MYEF2: variants seen among roughly 807,000 people sequenced by gnomAD.
MYEF2 encodes the protein myelin gene expression factor 2.
Under a neutral mutation model 75.2 loss-of-function variants are expected in MYEF2, and 37 were observed. That is an observed-to-expected ratio of 0.49 (90% CI 0.38 to 0.65). The LOEUF (loss-of-function observed/expected upper bound fraction) is 0.65, where lower values mean the gene tolerates loss of function less well. MYEF2 is among the 30% of genes least tolerant of loss of function. The pLI is 0.00. For synonymous variants in MYEF2, 195 were observed against 241.6 expected (o/e 0.81, Z 1.79); for missense variants, 634 against 771.4 (o/e 0.82, Z 2.11).
At chr15:48,159,554 A>T in intron 6 of MYEF2, 59 bp downstream of exon 6, 1 of 1,445,024 alleles carries the variant, frequency 6.9e-7, no homozygotes, top group Non-Finnish European at 9.5e-7. Flanking sequence ...TAACTCATTC[A>T]TTTAATCAAA....
Position 48,168,839 on chromosome 15 carries a change from C to A in MYEF2, c.162G>T (p.Met54Ile). ...CTTCTTTTGCTGATTCATCATTCTCCCTGTGAATTAAAAAAAGTCAAACAA... is the reference window on the plus strand; with the variant it reads ...CTTCTTTTGCTGATTCATCATTCTCACTGTGAATTAAAAAAAGTCAAACAA... ...QHSSSSNGVK[M>I]ENDESAKEEK... The change falls in exon 2 of 17, where the codon ATG becomes ATT. Residue 54 changes from methionine (M) to isoleucine (I), a missense_variant and splice_region_variant. Transcript: ENST00000324324. 6.2e-7 allele frequency: 1 copy of A among 1,606,744 alleles called. No homozygotes were observed. The highest frequency in any genetic ancestry group is 8.5e-7 in the Non-Finnish European group (1 of 1,175,996).
At chr15:48,146,034 A>T (rs1030535885) in intron 16 of MYEF2, among the ~76,000 whole-genome samples, 6 of 151,930 alleles carry the variant, frequency 3.9e-5, no homozygotes, top group Non-Finnish European at 7.4e-5. Context: ...TCTGTGGAAC[A>T]AAGTTATATC....
Position 48,142,140 on chromosome 15 carries a change from C to T in MYEF2, c.*768G>A. 1.2e-6 allele frequency: 2 copies of T among 1,613,826 alleles called. No homozygotes were observed. Among genetic ancestry groups the T allele is most frequent in the Non-Finnish European group, 1.7e-6 (2 of 1,179,844 alleles). On this transcript the variant is annotated 3_prime_UTR_variant, in exon 17 of 17. Transcript: ENST00000324324. The stretch of plus-strand genomic sequence containing the variant: ...GCATTTATAAATGGATCAGCTCCTG[C>T]AGAAGTAAACAGCAGAGGACTAACT...
At chr15:48,145,499 T>A (rs1412287249) in intron 16 of MYEF2, among the ~76,000 whole-genome samples, 2 of 151,858 alleles carry the variant, frequency 1.3e-5, no homozygotes, top group Admixed American at 6.6e-5. Flanking sequence ...GACAAAATAG[T>A]ATGCCATGAG....
Position 48,137,108 on chromosome 15 carries a change from T to G in MYEF2, c.*5800A>C. 8 of 773,448 alleles carry G rather than the reference T, an allele frequency of 1.0e-5. No homozygotes were observed. The highest frequency in any genetic ancestry group is 1.6e-5 in the Non-Finnish European group (8 of 504,178). 47.9% of individuals were successfully genotyped at this position (773,448 alleles called of 1,614,324 possible). ...ATGATAAAGACCAAGTCCCTACCTT[T>G]AAGGAACTTCCAATATCACAGGAAA... On this transcript the variant is annotated 3_prime_UTR_variant, in exon 17 of 17. Coordinates refer to ENST00000324324, the MANE Select transcript of MYEF2 (RefSeq NM_016132.5).
At chr15:48,157,842 T>C in intron 9 of MYEF2, 151 bp downstream of exon 9, 1 of 1,402,036 alleles carries the variant, frequency 7.1e-7, no homozygotes, top group Non-Finnish European at 9.3e-7. Flanking sequence ...TCAGTCTTCC[T>C]AATCAATAGC....
In MYEF2 at chr15:48,178,111, G is replaced by C. The variant is rs750585927; in HGVS notation, c.127C>G (p.Pro43Ala). The stretch of plus-strand genomic sequence containing the variant: ...CCATTGGAGCTGCTGCTGTGCTGCG[G>C]CTGCTGCTTCTCCGCCTCCGCGGGG... ...PHPAEAEKQQ[P>A]QHSSSSNGVK... The change falls in exon 1 of 17, where the codon CCG becomes GCG. Residue 43 changes from proline to alanine, a missense_variant. Coordinates refer to ENST00000324324, the MANE Select transcript of MYEF2 (RefSeq NM_016132.5). 6.3e-6 allele frequency: 10 copies of C among 1,597,188 alleles called. No homozygotes were observed. The highest frequency in any genetic ancestry group is 8.5e-6 in the Non-Finnish European group (10 of 1,172,726).
Position 48,148,000 on chromosome 15 carries a change from T to C in MYEF2, c.1639+1032A>G, listed in dbSNP as rs539908623. Among the ~76,000 whole-genome samples the C allele has an allele frequency of 2.0e-5, 3 of 152,006 alleles. No individual in the cohort carries two copies. The South Asian group carries it at 6.2e-4, about 32-fold the overall frequency. Reference sequence around the variant, plus strand: ...ATTCTTGCCTTCAAGAGCTTCCACGTAGGATGGAAGAAAACTTGAACAAAT... The same window carrying C: ...ATTCTTGCCTTCAAGAGCTTCCACGCAGGATGGAAGAAAACTTGAACAAAT... On this transcript the variant is annotated intron_variant, in intron 16 of 16. Transcript: ENST00000324324.
Position 48,167,375 on chromosome 15 carries a change from A to G in MYEF2, c.397T>C (p.Phe133Leu). Residue 133 changes from phenylalanine to leucine, a missense_variant, in exon 3 of 17, where the codon TTT (phenylalanine) becomes CTT (leucine). Physicochemically the swap from Phe to Leu is conservative, Grantham distance 22. Coordinates refer to ENST00000324324, the MANE Select transcript of MYEF2 (RefSeq NM_016132.5). ...CTTGATTTTCCTTCCGCATCCTTAAAGAGCTCCACGTATGTAACCTCACCA... is the reference window on the plus strand; with the variant it reads ...CTTGATTTTCCTTCCGCATCCTTAAGGAGCTCCACGTATGTAACCTCACCA... The part of the protein sequence containing the change: ...KVGEVTYVEL[F>L]KDAEGKSRGC... 6.2e-7 allele frequency: 1 copy of G among 1,613,298 alleles called. No individual in the cohort carries two copies. The highest frequency in any genetic ancestry group is 8.5e-7 in the Non-Finnish European group (1 of 1,179,308).
intron 5 of MYEF2, among the ~76,000 whole-genome samples, chr15:48,161,858 C>CTTT (rs542740860): frequency 1.4e-5 from 2 of 143,002 alleles, no homozygotes; most frequent in South Asian, 2.7e-4. Context: ...TAATTCAAAG[C>CTTT]TTTTTTTAAT....
At position 48,149,554 on chromosome 15, in the gene MYEF2, AC is replaced by A; in HGVS notation, c.1379-184del. 1 of 416,352 alleles carries A rather than the reference AC, an allele frequency of 2.4e-6. No homozygotes were observed. The highest frequency in any genetic ancestry group is 4.1e-6 in the Non-Finnish European group (1 of 243,462). 25.8% of individuals were successfully genotyped at this position (416,352 alleles called of 1,614,324 possible). A position where few individuals can be genotyped will look rare whatever the true frequency, so the allele number is the denominator to read the frequency against. On this transcript the variant is annotated intron_variant, in intron 14 of 16. Transcript: ENST00000324324. The surrounding 1 kb of genome is among the most constrained non-coding windows in gnomAD (Gnocchi z 4.0). ...ACATAAAATTATTTTCATACAGATA[AC>A]AACTTTCCAAAGAACAGAATTTGCT...
chr15:48,158,376 A>G (rs909756849), intron 7 of MYEF2, 152 bp from the exon 8 acceptor site: 2 of 675,454 alleles, frequency 3.0e-6, no homozygotes, highest in Non-Finnish European at 4.9e-6. Context: ...TATACTCAAA[A>G]AAATATTCAA....
chr15:48,153,909 G>C lies in MYEF2; in HGVS notation c.986-16C>G. 2 of 1,599,354 alleles carry C rather than the reference G, an allele frequency of 1.3e-6. No individual in the cohort carries two copies. Among genetic ancestry groups the C allele is most frequent in the African/African-American group, 1.3e-5 (1 of 74,462 alleles). On this transcript the variant is annotated splice_polypyrimidine_tract_variant and intron_variant, in intron 9 of 16. Transcript: ENST00000324324. ...CCAAGACCACCTAAAACAAAAATGA[G>C]AACAATCATTACAAAGATCCATATA...
Position 48,142,824 on chromosome 15 carries a change from G to T in MYEF2, c.*84C>A. 1 of 1,290,260 alleles carries T rather than the reference G, an allele frequency of 7.8e-7. No homozygotes were observed. The highest frequency in any genetic ancestry group is 1.1e-6 in the Non-Finnish European group (1 of 943,606). 79.9% of individuals were successfully genotyped at this position (1,290,260 alleles called of 1,614,324 possible). A position where few individuals can be genotyped will look rare whatever the true frequency, so the allele number is the denominator to read the frequency against. ...AAGTTCATTTTTACAGCTTTTGTAA[G>T]CATACAATATTACTTTAAAAAAATG... On this transcript the variant is annotated 3_prime_UTR_variant, in exon 17 of 17. Coordinates refer to ENST00000324324, the MANE Select transcript of MYEF2 (RefSeq NM_016132.5).
intron 9 of MYEF2, among the ~76,000 whole-genome samples, chr15:48,156,604 A>G (rs1278629037): frequency 2.0e-5 from 3 of 151,966 alleles, no homozygotes; most frequent in African/African-American, 7.2e-5. Flanking sequence ...TCTAGCAAAT[A>G]TAAAGAGAAC....
At position 48,135,798 on chromosome 15, in the gene MYEF2, G is replaced by A. The variant is rs573875847; in HGVS notation, c.*7110C>T. The A allele has an allele frequency of 6.6e-6, 1 of 152,100 alleles. No individual in the cohort carries two copies. Among genetic ancestry groups the A allele is most frequent in the East Asian group, 1.9e-4 (1 of 5,178 alleles). 9.4% of individuals were successfully genotyped at this position (152,100 alleles called of 1,614,324 possible). The stretch of plus-strand genomic sequence containing the variant: ...CTGCTATCAAGAAACTTAAAACCTA[G>A]CCAGAAGCATAATTTCTAAACTAAT... On this transcript the variant is annotated 3_prime_UTR_variant, in exon 17 of 17. Coordinates refer to ENST00000324324, the MANE Select transcript of MYEF2 (RefSeq NM_016132.5).
intron 16 of MYEF2, 112 bp from the exon 17 acceptor site, chr15:48,143,183 T>A: frequency 1.7e-6 from 1 of 574,114 alleles, no homozygotes; most frequent in Non-Finnish European, 2.6e-6. Flanking sequence ...TTAAAAACAT[T>A]AATTATTTAA....
At chr15:48,152,090 T>C (rs1597306638) in intron 11 of MYEF2, 144 bp downstream of exon 11, 1 of 1,146,712 alleles carries the variant, frequency 8.7e-7, no homozygotes, top group East Asian at 2.4e-5. Flanking sequence ...TTTAAGTATG[T>C]ACCAGGCTCA....
At chr15:48,151,377 CATT>C (rs2039485790) in intron 13 of MYEF2, 93 bp downstream of exon 13, 8 of 1,224,298 alleles carry the variant, frequency 6.5e-6, no homozygotes, top group South Asian at 6.3e-5. Flanking sequence ...TTGTATAAAA[CATT>C]ATGATTTTCT....
Sources: gnomAD v4.1 joint callset for allele counts (sites outside exome capture counted in the v4.1 genomes callset) on GRCh38, gnomAD v4.1.1 for gene constraint, Gnocchi (gnomAD v3.1) non-coding constraint, MANE v1.5 for transcripts, NCBI Gene and HGNC (gene_info 2026-07-23, HGNC 2026-07-21) for gene names.